C1orf21: variants seen among roughly 807,000 people sequenced by gnomAD.
C1orf21 encodes the protein chromosome 1 open reading frame 21, also known as uncharacterized protein C1orf21.
Under a neutral mutation model 18.7 loss-of-function variants are expected in C1orf21, and 3 were observed. The observed-to-expected ratio is 0.16, with a 90% CI of 0.07 to 0.42. The LOEUF (loss-of-function observed/expected upper bound fraction) is 0.42, where lower values mean the gene tolerates loss of function less well. C1orf21 is among the 10% of genes least tolerant of loss of function. The pLI is 0.99. For missense variants in C1orf21, 104 were observed against 143.6 expected, an observed-to-expected ratio of 0.72 and a Z score of 1.41; for synonymous variants, 41 against 46.4, an observed-to-expected ratio of 0.88 and a Z score of 0.47.
At chr1:184,432,271 C>CT (rs1656777251) in intron 1 of C1orf21, among the ~76,000 whole-genome samples, 1 of 152,318 alleles carries the variant, frequency 6.6e-6, no homozygotes, top group East Asian at 1.9e-4. Flanking sequence ...TGGAACCAAT[C>CT]TAAGTGCCCA....
chr1:184,478,708 G>A (rs1192075956), intron 2 of C1orf21, among the ~76,000 whole-genome samples: 1 of 152,138 alleles, frequency 6.6e-6, no homozygotes, highest in Admixed American at 6.5e-5. Flanking sequence ...TGATTATTTT[G>A]AAGTATGGAT....
chr1:184,568,173 C>T (rs760574922), intron 3 of C1orf21, among the ~76,000 whole-genome samples: 3 of 152,258 alleles, frequency 2.0e-5, no homozygotes, highest in Admixed American at 1.3e-4. Flanking sequence ...CATTTGAGAG[C>T]GACTTTCCTT....
chr1:184,455,947 G>A (rs897441001), intron 1 of C1orf21, among the ~76,000 whole-genome samples: 3 of 152,218 alleles, frequency 2.0e-5, no homozygotes, highest in Non-Finnish European at 4.4e-5. Context: ...AGAGGAATGT[G>A]TCTATGTAGC....
At chr1:184,604,328 G>C (rs991812204) in intron 5 of C1orf21, among the ~76,000 whole-genome samples, 1 of 152,286 alleles carries the variant, frequency 6.6e-6, no homozygotes, top group East Asian at 1.9e-4. Flanking sequence ...TGCAGAGAAA[G>C]TCATGGTGTG....
At chr1:184,523,228 T>A (rs1430802499) in intron 3 of C1orf21, among the ~76,000 whole-genome samples, 1 of 152,082 alleles carries the variant, frequency 6.6e-6, no homozygotes, top group Non-Finnish European at 1.5e-5. Context: ...AAATGAGAAC[T>A]TTACAGTGGA....
At chr1:184,567,476 C>T (rs1197115131) in intron 3 of C1orf21, 1 of 540,936 alleles carries the variant, frequency 1.8e-6, no homozygotes. Flanking sequence ...TGCAGAGATG[C>T]TGTATTGGAT....
At chr1:184,579,588 G>T (rs1459521700) in intron 3 of C1orf21, among the ~76,000 whole-genome samples, 38 of 143,990 alleles carry the variant, frequency 2.6e-4, no homozygotes, top group Non-Finnish European at 4.5e-4. Context: ...TCAGCTCACT[G>T]CAACCTCCAC....
intron 1 of C1orf21, among the ~76,000 whole-genome samples, chr1:184,421,408 A>G (rs909939902): frequency 2.6e-5 from 4 of 152,238 alleles, no homozygotes; most frequent in African/African-American, 9.6e-5. Flanking sequence ...TTGAATGTGT[A>G]TTCTTGAGGT....
At chr1:184,520,177 C>T (rs929161125) in intron 3 of C1orf21, among the ~76,000 whole-genome samples, 2 of 152,114 alleles carry the variant, frequency 1.3e-5, no homozygotes, top group African/African-American at 4.8e-5. Flanking sequence ...ATAATGACAA[C>T]AATATTTCCC....
At chr1:184,498,277 G>A (rs746053930) in intron 2 of C1orf21, among the ~76,000 whole-genome samples, 2 of 152,122 alleles carry the variant, frequency 1.3e-5, no homozygotes, top group Non-Finnish European at 2.9e-5. Flanking sequence ...TTCATTCACC[G>A]AAATTCACTT....
At chr1:184,433,206 C>G (rs1385549981) in intron 1 of C1orf21, among the ~76,000 whole-genome samples, 1 of 151,744 alleles carries the variant, frequency 6.6e-6, no homozygotes, top group Non-Finnish European at 1.5e-5. Flanking sequence ...GTGGTAGAGT[C>G]CTTCCTGCTC....
intron 3 of C1orf21, among the ~76,000 whole-genome samples, chr1:184,563,933 A>T (rs894917704): frequency 6.6e-6 from 1 of 152,246 alleles, no homozygotes; most frequent in African/African-American, 2.4e-5. Context: ...TCTGTGACCT[A>T]GTTTCCTCCT....
At chr1:184,539,256 GT>G (rs1347992583) in intron 3 of C1orf21, among the ~76,000 whole-genome samples, 1 of 151,978 alleles carries the variant, frequency 6.6e-6, no homozygotes, top group African/African-American at 2.4e-5. Context: ...AGATGGTTAT[GT>G]TTTTTTCCCT....
intron 1 of C1orf21, among the ~76,000 whole-genome samples, chr1:184,470,587 GGAA>G (rs1304310175): frequency 6.6e-6 from 1 of 152,102 alleles, no homozygotes; most frequent in Non-Finnish European, 1.5e-5. Context: ...TCTTAGAAGT[GGAA>G]GAAGAAGGCC....
chr1:184,584,536 C>T (rs1571289223), intron 3 of C1orf21, among the ~76,000 whole-genome samples: 1 of 152,142 alleles, frequency 6.6e-6, no homozygotes, highest in South Asian at 2.1e-4. Flanking sequence ...GAAACATAAA[C>T]TTACTATGTA....
chr1:184,467,496 C>A (rs962059342), intron 1 of C1orf21, among the ~76,000 whole-genome samples: 27 of 152,190 alleles, frequency 1.8e-4, no homozygotes, highest in African/African-American at 6.0e-4. Flanking sequence ...ACAGCAGAAA[C>A]CCCTGGCACT....
At chr1:184,487,082 G>C (rs748308525) in intron 2 of C1orf21, among the ~76,000 whole-genome samples, 1 of 152,244 alleles carries the variant, frequency 6.6e-6, no homozygotes, top group Non-Finnish European at 1.5e-5. Context: ...TGACAAGAGA[G>C]GAAGTCAAAG....
At chr1:184,558,767 A>G (rs1461680571) in intron 3 of C1orf21, among the ~76,000 whole-genome samples, 2 of 152,254 alleles carry the variant, frequency 1.3e-5, no homozygotes, top group African/African-American at 4.8e-5. Flanking sequence ...CAATAATAGC[A>G]CTAGTAATAC....
At chr1:184,606,439 G>A (rs1274225640) in intron 5 of C1orf21, among the ~76,000 whole-genome samples, 1 of 152,148 alleles carries the variant, frequency 6.6e-6, no homozygotes, top group African/African-American at 2.4e-5. Flanking sequence ...AATTAGCCAG[G>A]TATGGTGGCA....
Sources: gnomAD v4.1 joint callset for allele counts (sites outside exome capture counted in the v4.1 genomes callset) on GRCh38, gnomAD v4.1.1 for gene constraint, MANE v1.5 for transcripts, NCBI Gene and HGNC (gene_info 2026-07-23, HGNC 2026-07-21) for gene names.